The following ZNF695 variants were observed in gnomAD, a reference collection of about 807,000 sequenced individuals.
ZNF695 encodes the protein zinc finger protein 695.
ZNF695 carries 11 observed loss-of-function variants against 11.2 expected under a neutral mutation model. The observed-to-expected ratio is 0.98, with a 90% CI of 0.62 to 1.62. ZNF695 has a LOEUF of 1.62. Among genes scored for constraint, ZNF695 ranks in the 40% most tolerant of loss-of-function variants. The pLI is 0.00. For synonymous variants in ZNF695, 190 were observed against 201.4 expected (o/e 0.94, Z 0.48); for missense variants, 559 against 590.5 (o/e 0.95, Z 0.55).
At chr1:246,984,666 A>C (rs1668801835), downstream of ZNF695, among the ~76,000 whole-genome samples, 1 of 152,242 alleles carries the variant, frequency 6.6e-6, no homozygotes, top group Non-Finnish European at 1.5e-5. Context: ...CAATAAACTC[A>C]ATTACTCAAT....
chr1:247,007,690 A>T (rs892521212), intron 1 of ZNF695, among the ~76,000 whole-genome samples: 1 of 151,926 alleles, frequency 6.6e-6, no homozygotes, highest in Non-Finnish European at 1.5e-5. Flanking sequence ...CCAGGCAGAG[A>T]CCGGACAGTC....
At position 246,987,882 on chromosome 1, in the gene ZNF695, C is replaced by T. The variant is rs368120969; in HGVS notation, c.633G>A (p.Pro211=). 5.7e-5 allele frequency: 91 copies of T among 1,609,384 alleles called. No homozygotes were observed. Among genetic ancestry groups the T allele is most frequent in the Middle Eastern group, 1.7e-4 (1 of 6,022 alleles). ...QQQRIHIGEN[P]YQCKKCGKAF... is the part of the protein sequence containing the mutation. The stretch of plus-strand genomic sequence containing the variant: ...CTTTGCCACATTTTTTACATTGGTA[C>T]GGGTTCTCTCCAATATGGATTCTCT... Residue 211 remains proline (P), a synonymous_variant, in exon 4 of 4, where the codon CCG becomes CCA. Coordinates refer to ENST00000339986, the MANE Select transcript of ZNF695 (RefSeq NM_020394.5).
intron 2 of ZNF695, 61 bp downstream of exon 2, chr1:246,999,851 A>T: frequency 1.3e-6 from 2 of 1,536,864 alleles, no homozygotes; most frequent in Middle Eastern, 1.7e-4. Context: ...TGTGAAACTC[A>T]TTCATGCAAA....
intron 3 of ZNF695, among the ~76,000 whole-genome samples, chr1:246,993,057 G>T (rs182127575): frequency 6.6e-6 from 1 of 152,138 alleles, no homozygotes; most frequent in African/African-American, 2.4e-5. Context: ...CGAGAGATGG[G>T]CAACAGATAT....
intron 4 of ZNF695, among the ~76,000 whole-genome samples, chr1:246,977,455 G>A (rs886066578): frequency 1.1e-4 from 17 of 152,206 alleles, no homozygotes; most frequent in African/African-American, 4.1e-4. Context: ...GCGGGGTTTT[G>A]CCATGTTGGC....
chr1:246,990,430 A>C (rs12563635), intron 3 of ZNF695, among the ~76,000 whole-genome samples: 1 of 151,918 alleles, frequency 6.6e-6, no homozygotes, highest in Non-Finnish European at 1.5e-5. Context: ...ACAATTGTAA[A>C]TATATATTTA....
chr1:246,952,814 C>T (rs1667898427), intron 5 of ZNF695, among the ~76,000 whole-genome samples: 2 of 151,920 alleles, frequency 1.3e-5, no homozygotes, highest in African/African-American at 4.8e-5. Context: ...TGCAGTGGCT[C>T]ACATCTGTAA....
chr1:247,005,700 A>C (rs1379075834), intron 1 of ZNF695, among the ~76,000 whole-genome samples: 3 of 152,086 alleles, frequency 2.0e-5, no homozygotes, highest in Admixed American at 6.6e-5. Context: ...AACAAAAAAA[A>C]CGATAAAAAA....
intron 3 of ZNF695, among the ~76,000 whole-genome samples, chr1:246,995,648 G>C (rs1312541373): frequency 6.6e-6 from 1 of 151,764 alleles, no homozygotes; most frequent in African/African-American, 2.4e-5. Context: ...TGGCCAACAT[G>C]GTGAAACCCC....
At chr1:246,980,239 A>G (rs1230822844) in intron 4 of ZNF695, among the ~76,000 whole-genome samples, 2 of 151,132 alleles carry the variant, frequency 1.3e-5, no homozygotes, top group Non-Finnish European at 2.9e-5. Context: ...TTTGTCAATC[A>G]GTTACATATT....
intron 4 of ZNF695, among the ~76,000 whole-genome samples, chr1:246,975,733 G>A (rs1248771655): frequency 2.0e-5 from 3 of 152,120 alleles, no homozygotes; most frequent in Non-Finnish European, 4.4e-5. Flanking sequence ...AGTAAGCTAA[G>A]GTGTAAACTG....
intron 3 of ZNF695, among the ~76,000 whole-genome samples, chr1:246,994,097 C>G (rs1340739092): frequency 6.6e-6 from 1 of 151,974 alleles, no homozygotes; most frequent in Non-Finnish European, 1.5e-5. Context: ...ATCACTTGAA[C>G]CTGGGCGGCG....
At chr1:247,006,232 A>G (rs1006437608) in intron 1 of ZNF695, among the ~76,000 whole-genome samples, 4 of 151,924 alleles carry the variant, frequency 2.6e-5, no homozygotes, top group Non-Finnish European at 5.9e-5. Context: ...CTCAAAAAAA[A>G]AAGAAAAAAA....
chr1:247,003,625 T>C (rs12122833), intron 1 of ZNF695, among the ~76,000 whole-genome samples: 6,006 of 152,228 alleles, frequency 0.039, 153 homozygotes, highest in South Asian at 0.12. Context: ...AATAAATAAA[T>C]TGTAAATAAA....
intron 5 of ZNF695, among the ~76,000 whole-genome samples, chr1:246,951,578 G>A (rs1375734267): frequency 2.0e-5 from 3 of 152,200 alleles, no homozygotes; most frequent in Non-Finnish European, 2.9e-5. Flanking sequence ...ACCATTTGTG[G>A]TGTTTTGTTA....
intron 5 of ZNF695, among the ~76,000 whole-genome samples, chr1:246,965,697 A>G (rs903190102): frequency 6.6e-6 from 1 of 151,820 alleles, no homozygotes; most frequent in Non-Finnish European, 1.5e-5. Context: ...AGATCGTTCC[A>G]CCGTACGACC....
intron 5 of ZNF695, among the ~76,000 whole-genome samples, chr1:246,949,606 A>C (rs1572501240): frequency 1.3e-5 from 2 of 151,796 alleles, no homozygotes; most frequent in East Asian, 3.9e-4. Context: ...AAAAGAAAAA[A>C]AAAAAAAGAG....
chr1:246,973,573 AT>A (rs1668483024), intron 4 of ZNF695, among the ~76,000 whole-genome samples: 2 of 152,332 alleles, frequency 1.3e-5, no homozygotes, highest in African/African-American at 2.4e-5. Context: ...CTATAAAAAA[AT>A]GATTACCACA....
At chr1:246,983,951 T>C (rs1411120575), downstream of ZNF695, among the ~76,000 whole-genome samples, 1 of 149,664 alleles carries the variant, frequency 6.7e-6, no homozygotes. Context: ...AGCTTAGGAG[T>C]TCAAGACAAG....
Sources: allele counts gnomAD v4.1 joint callset (sites outside exome capture counted in the v4.1 genomes callset), GRCh38; gene constraint gnomAD v4.1.1; transcripts MANE v1.5; gene names NCBI Gene and HGNC (gene_info 2026-07-23, HGNC 2026-07-21).